Variants in NRG1 observed in about 807,000 individuals in gnomAD.
NRG1 encodes neuregulin 1, also known as pro-neuregulin-1, membrane-bound isoform.
In NRG1, 18 loss-of-function variants were observed where a neutral mutation model predicts 63.8. That is an observed-to-expected ratio of 0.28 (90% CI 0.19 to 0.42). The LOEUF (loss-of-function observed/expected upper bound fraction) is 0.42. Among genes scored for constraint, NRG1 ranks in the 10% least tolerant of loss-of-function variants. NRG1 has a pLI of 1.00. For synonymous variants in NRG1, 302 were observed against 301.3 expected (o/e 1.00, Z -0.02); for missense variants, 762 against 814.7 (o/e 0.94, Z 0.79).
Position 32,702,070 on chromosome 8 carries a change from A to G in NRG1, c.503-25879A>G, listed in dbSNP as rs138966771. Among the ~76,000 whole-genome samples the G allele has an allele frequency of 2.3e-4, 35 of 152,358 alleles. 1 individual carries two copies. The highest frequency in any genetic ancestry group is 6.8e-3 in the Middle Eastern group (2 of 294). On this transcript the variant is annotated intron_variant, in intron 5 of 11. Coordinates refer to ENST00000356819, the Ensembl canonical transcript of NRG1. ...TTCTCATCTTTGAGACTTGACTCAC[A>G]TACCAAATATCAAAAATGGAAAATC...
At chr8:32,186,520 T>G (rs989096616) in intron 1 of NRG1, among the ~76,000 whole-genome samples, 4 of 151,852 alleles carry the variant, frequency 2.6e-5, no homozygotes, top group Admixed American at 2.0e-4. Flanking sequence ...AAGAAATGAT[T>G]CGCATTGTAG....
At chr8:31,844,739 AT>A (rs1336812294) in intron 1 of NRG1, among the ~76,000 whole-genome samples, 5 of 152,000 alleles carry the variant, frequency 3.3e-5, no homozygotes, top group Non-Finnish European at 5.9e-5. Flanking sequence ...GTGATGTCAT[AT>A]TTTTAAAAAT....
intron 1 of NRG1, among the ~76,000 whole-genome samples, chr8:32,211,446 AG>A (rs1410749370): frequency 1.3e-5 from 2 of 152,196 alleles, no homozygotes; most frequent in Non-Finnish European, 1.5e-5. Context: ...TTGCTGAGCC[AG>A]GGGCATCCTC....
At chr8:32,526,865 C>T (rs1244652211) in intron 1 of NRG1, among the ~76,000 whole-genome samples, 1 of 152,116 alleles carries the variant, frequency 6.6e-6, no homozygotes, top group Non-Finnish European at 1.5e-5. Context: ...TCTCATTTTT[C>T]TTCCTTTTGG....
At chr8:31,648,911 A>G (rs1804568092) in intron 1 of NRG1, among the ~76,000 whole-genome samples, 1 of 152,070 alleles carries the variant, frequency 6.6e-6, no homozygotes, top group South Asian at 2.1e-4. Flanking sequence ...GTATATACAC[A>G]GAAGCAGAAT....
chr8:32,321,672 G>A (rs1801409344), intron 1 of NRG1, among the ~76,000 whole-genome samples: 1 of 151,894 alleles, frequency 6.6e-6, no homozygotes, highest in Non-Finnish European at 1.5e-5. Flanking sequence ...TTTACAAACT[G>A]AGTAATCATT....
At chr8:32,272,592 G>T (rs1851660600) in intron 1 of NRG1, among the ~76,000 whole-genome samples, 1 of 152,214 alleles carries the variant, frequency 6.6e-6, no homozygotes. Context: ...GGAGACAACT[G>T]AGAGGACACT....
chr8:31,716,440 C>T, intron 1 of NRG1, among the ~76,000 whole-genome samples: 1 of 152,170 alleles, frequency 6.6e-6, no homozygotes, highest in East Asian at 1.9e-4. Flanking sequence ...GTTAACTAGG[C>T]ATTAACAATA....
intron 5 of NRG1, among the ~76,000 whole-genome samples, chr8:32,675,572 C>G (rs1159553548): frequency 6.6e-6 from 1 of 152,118 alleles, no homozygotes; most frequent in Non-Finnish European, 1.5e-5. Flanking sequence ...AAATTTTAGG[C>G]TATCTGAATT....
intron 1 of NRG1, among the ~76,000 whole-genome samples, chr8:31,984,610 A>G (rs1431290531): frequency 6.6e-6 from 1 of 152,094 alleles, no homozygotes; most frequent in Non-Finnish European, 1.5e-5. Flanking sequence ...TGGTCCTCCA[A>G]TTAAGAGCTG....
At chr8:31,892,317 A>T (rs751909458) in intron 1 of NRG1, among the ~76,000 whole-genome samples, 10 of 152,102 alleles carry the variant, frequency 6.6e-5, no homozygotes, top group Non-Finnish European at 1.3e-4. Context: ...AAAACTCTCA[A>T]TTATCTGTCT....
At chr8:32,309,377 C>A (rs1306108387) in intron 1 of NRG1, among the ~76,000 whole-genome samples, 1 of 152,150 alleles carries the variant, frequency 6.6e-6, no homozygotes. Context: ...GCCAGATTTT[C>A]TTTTTGCTGT....
chr8:31,969,723 A>C (rs1038766770), intron 1 of NRG1, among the ~76,000 whole-genome samples: 1 of 152,122 alleles, frequency 6.6e-6, no homozygotes, highest in African/African-American at 2.4e-5. Context: ...AACCTAATTT[A>C]CCTGTTTCTT....
Position 32,742,806 on chromosome 8 carries a change from T to C in NRG1, c.691+73T>C. The C allele has an allele frequency of 1.9e-6, 3 of 1,612,922 alleles. No individual in the cohort carries two copies. Among genetic ancestry groups the C allele is most frequent in the Non-Finnish European group, 2.5e-6 (3 of 1,179,192 alleles). On this transcript the variant is annotated intron_variant, in intron 7 of 11. Coordinates refer to ENST00000356819, the Ensembl canonical transcript of NRG1. This position sits in a 1 kb window ranked among gnomAD's most constrained non-coding sequence, Gnocchi z 4.2. ...TTGGTGCTGCTTTCTTGTTGCTGCA[T>C]CTCCCCTCAGATTCCACCTAGAGCT...
chr8:32,132,937 A>C (rs533400885), intron 1 of NRG1, among the ~76,000 whole-genome samples: 3 of 152,138 alleles, frequency 2.0e-5, no homozygotes, highest in South Asian at 4.2e-4. Flanking sequence ...CTTTTGGGGA[A>C]GAAATTGGCC....
At chr8:32,752,257 A>G (rs1315489763) in intron 7 of NRG1, among the ~76,000 whole-genome samples, 1 of 152,244 alleles carries the variant, frequency 6.6e-6, no homozygotes, top group East Asian at 1.9e-4. Flanking sequence ...TGATCAGGAT[A>G]CCAAGATCAG....
At chr8:32,264,673 T>C (rs2129471908) in intron 1 of NRG1, among the ~76,000 whole-genome samples, 1 of 152,312 alleles carries the variant, frequency 6.6e-6, no homozygotes, top group Admixed American at 6.5e-5. Flanking sequence ...TGAACTTATA[T>C]TTTAGTTAGA....
chr8:32,498,872 G>A (rs1827529185), intron 1 of NRG1, among the ~76,000 whole-genome samples: 1 of 152,170 alleles, frequency 6.6e-6, no homozygotes, highest in Admixed American at 6.5e-5. Flanking sequence ...AACTGTTCCT[G>A]CATCCATTGA....
At chr8:32,333,469 A>T (rs1248812719) in intron 1 of NRG1, among the ~76,000 whole-genome samples, 1 of 152,192 alleles carries the variant, frequency 6.6e-6, no homozygotes, top group Admixed American at 6.6e-5. Context: ...GGATCCCTTG[A>T]ATAAATATTT....
Sources: allele counts gnomAD v4.1 joint callset (sites outside exome capture counted in the v4.1 genomes callset), GRCh38; gene constraint gnomAD v4.1.1; non-coding constraint Gnocchi (gnomAD v3.1); transcripts MANE v1.5; gene names NCBI Gene and HGNC (gene_info 2026-07-23, HGNC 2026-07-21).